Variants in TUFT1 observed in about 807,000 individuals in gnomAD.
TUFT1 encodes tuftelin.
In TUFT1, 43 loss-of-function variants were observed where a neutral mutation model predicts 57.8. The observed-to-expected ratio is 0.74, with a 90% confidence interval of 0.58 to 0.96. The LOEUF is 0.96. TUFT1 is among the 40% of genes least tolerant of loss of function. The probability of loss-of-function intolerance (pLI) is 0.00; values close to 1 mark genes in which losing one functional copy is unlikely to be tolerated. For synonymous variants in TUFT1, 166 were observed against 176.7 expected (o/e 0.94, Z 0.48); for missense variants, 459 against 489.0 (o/e 0.94, Z 0.58).
In TUFT1 at chr1:151,574,142, T is replaced by C. The variant is rs921051343; in HGVS notation, c.595-128T>C. Reference sequence around the variant, plus strand: ...TGAAGGGGAGGTGGTGGTGAGCCCATCAGTGTCACCACCTTTCTCCCGTCA... The same window carrying C: ...TGAAGGGGAGGTGGTGGTGAGCCCACCAGTGTCACCACCTTTCTCCCGTCA... On this transcript the variant is annotated intron_variant, in intron 7 of 12. Coordinates refer to ENST00000368849, the MANE Select transcript of TUFT1 (RefSeq NM_020127.3). The C allele has an allele frequency of 3.6e-6, 4 of 1,120,270 alleles. No homozygotes were observed. The Admixed American group carries it at 1.1e-4, about 30-fold the overall frequency. 69.4% of individuals were successfully genotyped at this position (1,120,270 alleles called of 1,614,324 possible).
intron 1 of TUFT1, among the ~76,000 whole-genome samples, chr1:151,543,177 G>A (rs1204745689): frequency 6.6e-6 from 1 of 152,104 alleles, no homozygotes; most frequent in African/African-American, 2.4e-5. Context: ...AGGAGCCAGT[G>A]TTTTTCAGAA....
At chr1:151,561,532 G>C in intron 1 of TUFT1, 1 of 979,194 alleles carries the variant, frequency 1.0e-6, no homozygotes, top group Non-Finnish European at 1.2e-6. Context: ...AAGAAAACCT[G>C]CTTCATTCTT....
chr1:151,579,797 A>G (rs893762911), intron 11 of TUFT1, 65 bp downstream of exon 11: 46 of 1,508,058 alleles, frequency 3.1e-5, no homozygotes, highest in Non-Finnish European at 4.0e-5. Flanking sequence ...CATAAGGGAG[A>G]CAGAGGTTAT....
intron 1 of TUFT1, chr1:151,561,662 A>C (rs1261965123): frequency 3.2e-6 from 4 of 1,232,346 alleles, no homozygotes; most frequent in Non-Finnish European, 4.2e-6. Context: ...AGTTTAGTTC[A>C]GGAAGAATAT....
intron 7 of TUFT1, among the ~76,000 whole-genome samples, chr1:151,573,941 A>G (rs1389370900): frequency 6.6e-6 from 1 of 152,138 alleles, no homozygotes; most frequent in African/African-American, 2.4e-5. Context: ...AAGCCACAAC[A>G]TTGGGTTAAG....
intron 1 of TUFT1, among the ~76,000 whole-genome samples, chr1:151,547,823 A>G (rs1474346852): frequency 6.6e-6 from 1 of 152,110 alleles, no homozygotes; most frequent in Non-Finnish European, 1.5e-5. Flanking sequence ...CCCTCTACAG[A>G]CACACTGTCA....
At position 151,583,381 on chromosome 1, in the gene TUFT1, CTG is replaced by C. The variant is rs1416019541; in HGVS notation, c.*1680_*1681del. ...GCTCACGCAGCCAGAATCCTTAAGT[CTG>C]TGTGTTTCTGTGTCTCAAGACTGGG... On this transcript the variant is annotated 3_prime_UTR_variant, in exon 13 of 13. Coordinates refer to ENST00000368849, the MANE Select transcript of TUFT1 (RefSeq NM_020127.3). 1 of 152,150 alleles carries C rather than the reference CTG, an allele frequency of 6.6e-6. No homozygotes were observed. Among genetic ancestry groups the C allele is most frequent in the Non-Finnish European group, 1.5e-5 (1 of 68,036 alleles). The allele number at this position is 152,150 out of a possible 1,614,324, so 9.4% of individuals were successfully genotyped here.
intron 11 of TUFT1, among the ~76,000 whole-genome samples, chr1:151,580,690 T>C (rs992051349): frequency 2.0e-5 from 3 of 146,694 alleles, no homozygotes; most frequent in Non-Finnish European, 3.0e-5. Flanking sequence ...AAAAGAACTG[T>C]ATGTAGAGGA....
At chr1:151,550,816 G>T (rs1361039200) in intron 1 of TUFT1, among the ~76,000 whole-genome samples, 1 of 152,210 alleles carries the variant, frequency 6.6e-6, no homozygotes, top group Non-Finnish European at 1.5e-5. Context: ...TAGTCCAGCT[G>T]CTTAGGAAGC....
chr1:151,554,695 C>CT (rs771656418), intron 1 of TUFT1, among the ~76,000 whole-genome samples: 2,115 of 85,584 alleles, frequency 0.025, 249 homozygotes, highest in Non-Finnish European at 0.032. Context: ...GCCCGGCCCC[C>CT]TTTTTTTTTT....
intron 7 of TUFT1, among the ~76,000 whole-genome samples, chr1:151,573,883 G>A (rs1666353698): frequency 6.6e-6 from 1 of 152,202 alleles, no homozygotes; most frequent in Non-Finnish European, 1.5e-5. Flanking sequence ...CAGAAGAAAG[G>A]AACTGGAGGT....
At chr1:151,561,792 A>T (rs1428370617) in intron 1 of TUFT1, 1 of 1,392,894 alleles carries the variant, frequency 7.2e-7, no homozygotes, top group Non-Finnish European at 9.5e-7. Context: ...GAATGCATGC[A>T]ATGTGTTCCC....
At chr1:151,568,273 C>T (rs1464423130) in intron 6 of TUFT1, among the ~76,000 whole-genome samples, 9 of 152,088 alleles carry the variant, frequency 5.9e-5, no homozygotes, top group African/African-American at 1.9e-4. Context: ...GAAACTCACT[C>T]TAATGAATTC....
intron 6 of TUFT1, 80 bp downstream of exon 6, chr1:151,566,308 TTC>T (rs57179871): frequency 0.14 from 123,437 of 876,780 alleles, 6,665 homozygotes; most frequent in Non-Finnish European, 0.15. Flanking sequence ...GTTTATTGCT[TTC>T]TCTCTCTCTC....
At chr1:151,572,705 T>A (rs1666296454) in intron 7 of TUFT1, among the ~76,000 whole-genome samples, 1 of 152,158 alleles carries the variant, frequency 6.6e-6, no homozygotes, top group East Asian at 1.9e-4. Flanking sequence ...CCATTAAGCA[T>A]GGGTTTCCTG....
intron 4 of TUFT1, among the ~76,000 whole-genome samples, chr1:151,564,271 G>C (rs1385623029): frequency 6.6e-6 from 1 of 152,068 alleles, no homozygotes; most frequent in South Asian, 2.1e-4. Flanking sequence ...TTCCTGGCTC[G>C]TGTTTCTCGT....
At chr1:151,551,036 C>A (rs1665491957) in intron 1 of TUFT1, among the ~76,000 whole-genome samples, 2 of 152,168 alleles carry the variant, frequency 1.3e-5, no homozygotes, top group South Asian at 2.1e-4. Context: ...TTCTACATGT[C>A]TTATCTTTAT....
At chr1:151,560,956 T>TTTTG (rs1491207174) in intron 1 of TUFT1, among the ~76,000 whole-genome samples, 4 of 132,450 alleles carry the variant, frequency 3.0e-5, no homozygotes, top group African/African-American at 1.2e-4. Flanking sequence ...CTGCAAAGTA[T>TTTTG]TGTGTGTGTG....
intron 1 of TUFT1, among the ~76,000 whole-genome samples, chr1:151,552,034 C>T (rs1196488486): frequency 1.3e-5 from 2 of 152,174 alleles, no homozygotes; most frequent in Non-Finnish European, 2.9e-5. Flanking sequence ...TCAAGGGTAA[C>T]CACTATCCTG....
Sources: allele counts gnomAD v4.1 joint callset (sites outside exome capture counted in the v4.1 genomes callset), GRCh38; gene constraint gnomAD v4.1.1; transcripts MANE v1.5; gene names NCBI Gene and HGNC (gene_info 2026-07-23, HGNC 2026-07-21).